The following METTL15 variants were observed in gnomAD, a reference collection of about 807,000 sequenced individuals.
METTL15 encodes 12S rRNA N(4)-cytidine methyltransferase METTL15.
A neutral mutation model predicts 38.3 loss-of-function variants in METTL15; 34 were observed. The observed-to-expected ratio is 0.89, with a 90% CI of 0.68 to 1.18. The LOEUF is 1.18. Ranked by LOEUF, METTL15 falls within the 50% of genes most tolerant of loss-of-function variation. METTL15 has a pLI of 0.00. For missense variants in METTL15, 438 were observed against 498.4 expected, an observed-to-expected ratio of 0.88 and a Z score of 1.15; for synonymous variants, 162 against 170.9, an observed-to-expected ratio of 0.95 and a Z score of 0.41.
intron 4 of METTL15, among the ~76,000 whole-genome samples, chr11:28,224,247 T>C (rs942574917): frequency 3.3e-5 from 5 of 151,974 alleles, no homozygotes; most frequent in African/African-American, 1.2e-4. Context: ...TCACTTTTTG[T>C]ACTTCTAAAA....
chr11:28,497,080 A>G (rs1851540914), intron 6 of METTL15, among the ~76,000 whole-genome samples: 1 of 152,218 alleles, frequency 6.6e-6, no homozygotes, highest in African/African-American at 2.4e-5. Flanking sequence ...GATAAAGGAG[A>G]CTGACTTAAC....
At position 28,318,802 on chromosome 11, in the gene METTL15, A is replaced by T. The variant is rs116055002; in HGVS notation, c.779-11594A>T. On this transcript the variant is annotated intron_variant, in intron 6 of 6. Transcript: ENST00000407364. ...AGTGAGTCAAGAAAAGCCCATATAT[A>T]CTGCATTGGATGAGTCTAGATTCTT... is the stretch of plus-strand genomic sequence containing the variant. Among the ~76,000 whole-genome samples the T allele has an allele frequency of 4.3e-3, 660 of 152,282 alleles. 8 individuals carry two copies. Among genetic ancestry groups the T allele is most frequent in the African/African-American group, 0.014 (597 of 41,566 alleles).
intron 4 of METTL15, among the ~76,000 whole-genome samples, chr11:28,270,081 C>T (rs1855582278): frequency 6.6e-6 from 1 of 152,074 alleles, no homozygotes; most frequent in Non-Finnish European, 1.5e-5. Flanking sequence ...ACCTTAAATT[C>T]AATAATTATT....
chr11:28,340,975 G>A (rs1849946731), intron 3 of METTL15, among the ~76,000 whole-genome samples: 3 of 152,310 alleles, frequency 2.0e-5, no homozygotes, highest in South Asian at 4.1e-4. Flanking sequence ...TATACACCAT[G>A]GAATACTGTG....
rs71449174 is a variant in METTL15 at position 28,332,936 on chromosome 11, C to CAAAAAAAAAAA, written c.*2102_*2112dup. On this transcript the variant is annotated 3_prime_UTR_variant, in exon 7 of 7. Coordinates refer to ENST00000407364, the MANE Select transcript of METTL15 (RefSeq NM_001113528.2). ...TGAGCAACAGAACGAGACTCTGTCT[C>CAAAAAAAAAAA]AAAAAAAAAAAAAAAAAGGAAGAAA... The CAAAAAAAAAAA allele has an allele frequency of 2.5e-5, 1 of 39,774 alleles. No individual in the cohort carries two copies. Among genetic ancestry groups the CAAAAAAAAAAA allele is most frequent in the Non-Finnish European group, 4.4e-5 (1 of 22,922 alleles). The allele number at this position is 39,774 out of a possible 1,614,324, so 2.5% of individuals were successfully genotyped here.
chr11:28,332,160 T>C lies in METTL15; in HGVS notation c.*1319T>C, dbSNP rs1385268014. The C allele has an allele frequency of 6.6e-6, 1 of 152,240 alleles. No individual in the cohort carries two copies. The highest frequency in any genetic ancestry group is 1.9e-4 in the East Asian group (1 of 5,198). The allele number at this position is 152,240 out of a possible 1,614,324, so 9.4% of individuals were successfully genotyped here. On this transcript the variant is annotated 3_prime_UTR_variant, in exon 7 of 7. Coordinates refer to ENST00000407364, the MANE Select transcript of METTL15 (RefSeq NM_001113528.2). ...AATATTTAACTTTAGTACCCAGGCT[T>C]GTTCACTACTTCTGCTTTACAGGCT...
At chr11:28,424,798 T>G (rs1850850517) in intron 6 of METTL15, among the ~76,000 whole-genome samples, 2 of 152,168 alleles carry the variant, frequency 1.3e-5, no homozygotes, top group Non-Finnish European at 2.9e-5. Flanking sequence ...TTTGCATGGC[T>G]GGTATGACAC....
intron 3 of METTL15, among the ~76,000 whole-genome samples, chr11:28,140,554 G>A (rs1333566749): frequency 6.6e-6 from 1 of 152,140 alleles, no homozygotes; most frequent in Non-Finnish European, 1.5e-5. Flanking sequence ...AGGTATTCTG[G>A]ACAAGCCCCC....
At chr11:28,311,756 C>G (rs1857311790) in intron 6 of METTL15, among the ~76,000 whole-genome samples, 1 of 152,206 alleles carries the variant, frequency 6.6e-6, no homozygotes, top group South Asian at 2.1e-4. Context: ...TTTTAGATGT[C>G]TAGAGATATG....
chr11:28,460,989 AG>A (rs1183699200), intron 6 of METTL15, among the ~76,000 whole-genome samples: 2 of 152,072 alleles, frequency 1.3e-5, no homozygotes, highest in Non-Finnish European at 2.9e-5. Context: ...TTGTGCACCA[AG>A]GTCAGGGATT....
rs145080229 is a variant in METTL15 at position 28,296,832 on chromosome 11, G to A, written c.679G>A (p.Gly227Arg). The change falls in exon 6 of 7, where the codon GGG becomes AGG. Residue 227 changes from glycine (G) to arginine (R), a missense_variant. Physicochemically the swap from Gly to Arg is moderately radical, Grantham distance 125 (BLOSUM62 -2). Transcript: ENST00000407364. ...QALASILRTYGEEKHAKKIAS... is the reference protein window; with the variant it reads ...QALASILRTYREEKHAKKIAS... ...ACTTGCATCTATCCTAAGAACATAC[G>A]GGGAGGAGAAGCATGCCAAGAAAAT... is the stretch of plus-strand genomic sequence containing the variant. 2.5e-5 allele frequency: 40 copies of A among 1,613,380 alleles called. No individual in the cohort carries two copies. Among genetic ancestry groups the A allele is most frequent in the African/African-American group, 1.6e-4 (12 of 74,842 alleles).
chr11:28,126,272 CTTGT>C (rs556539694), intron 3 of METTL15, among the ~76,000 whole-genome samples: 4 of 152,152 alleles, frequency 2.6e-5, no homozygotes, highest in Non-Finnish European at 5.9e-5. Flanking sequence ...TCCTTCCTTG[CTTGT>C]TTGTTTGTTT....
chr11:28,289,963 A>AC (rs1327181433), intron 4 of METTL15, among the ~76,000 whole-genome samples: 1 of 152,184 alleles, frequency 6.6e-6, no homozygotes, highest in Non-Finnish European at 1.5e-5. Context: ...GTATCCCTTC[A>AC]CAAAGATATA....
intron 5 of METTL15, among the ~76,000 whole-genome samples, chr11:28,379,978 C>A (rs1345269672): frequency 6.6e-6 from 1 of 152,108 alleles, no homozygotes; most frequent in East Asian, 1.9e-4. Context: ...TCTCTTTTTA[C>A]AGTCTTTAAC....
intron 3 of METTL15, chr11:28,122,011 T>G (rs1852260886): frequency 2.1e-6 from 1 of 484,924 alleles, no homozygotes; most frequent in Non-Finnish European, 2.9e-6. Context: ...TGTTGAATTC[T>G]TATATTTGAT....
At chr11:28,154,129 A>G (rs369725189) in intron 3 of METTL15, among the ~76,000 whole-genome samples, 1 of 152,150 alleles carries the variant, frequency 6.6e-6, no homozygotes, top group South Asian at 2.1e-4. Context: ...CTGGAAGGAA[A>G]TTAGGAGGTA....
At chr11:28,429,582 C>T (rs1403331686) in intron 6 of METTL15, among the ~76,000 whole-genome samples, 5 of 83,484 alleles carry the variant, frequency 6.0e-5, no homozygotes, top group African/African-American at 1.9e-4. Context: ...CGGTCTCCAG[C>T]CCCTAACCGC....
intron 5 of METTL15, among the ~76,000 whole-genome samples, chr11:28,375,527 T>G (rs1850299499): frequency 6.6e-6 from 1 of 152,120 alleles, no homozygotes; most frequent in Non-Finnish European, 1.5e-5. Context: ...CTTTATCATT[T>G]TTTATTGTGT....
At chr11:28,326,930 C>T (rs534748895) in intron 6 of METTL15, among the ~76,000 whole-genome samples, 44 of 151,974 alleles carry the variant, frequency 2.9e-4, no homozygotes, top group African/African-American at 1.0e-3. Flanking sequence ...CATGAGCCAT[C>T]GTGCCCAGCA....
Sources: gnomAD v4.1 joint callset for allele counts (sites outside exome capture counted in the v4.1 genomes callset) on GRCh38, gnomAD v4.1.1 for gene constraint, MANE v1.5 for transcripts, NCBI Gene and HGNC (gene_info 2026-07-23, HGNC 2026-07-21) for gene names.